Variants in CFAP57 observed in about 807,000 individuals in gnomAD.
CFAP57 encodes the protein cilia and flagella associated protein 57.
CFAP57 carries 116 observed loss-of-function variants against 146.8 expected under a neutral mutation model. That is an observed-to-expected ratio of 0.79 (90% CI 0.68 to 0.92). The LOEUF (loss-of-function observed/expected upper bound fraction) is 0.92, where lower values mean the gene tolerates loss of function less well. Ranked by LOEUF, CFAP57 falls within the 40% of genes least tolerant of loss-of-function variation. CFAP57 has a pLI of 0.00. For missense variants in CFAP57, 1,377 were observed against 1,527.2 expected, an observed-to-expected ratio of 0.90 and a Z score of 1.64; for synonymous variants, 518 against 552.8, an observed-to-expected ratio of 0.94 and a Z score of 0.88.
intron 21 of CFAP57, among the ~76,000 whole-genome samples, chr1:43,236,407 G>C (rs528779912): frequency 1.3e-4 from 19 of 151,834 alleles, no homozygotes; most frequent in African/African-American, 4.1e-4. Flanking sequence ...TGCCGACCCT[G>C]GTTTACCCTG....
At chr1:43,202,698 G>A (rs1644180405) in intron 9 of CFAP57, among the ~76,000 whole-genome samples, 1 of 151,482 alleles carries the variant, frequency 6.6e-6, no homozygotes, top group Non-Finnish European at 1.5e-5. Flanking sequence ...CAGGAGGATC[G>A]CTTGAACCTC....
chr1:43,200,028 G>C (rs903169185), intron 9 of CFAP57, among the ~76,000 whole-genome samples: 1 of 151,954 alleles, frequency 6.6e-6, no homozygotes, highest in Admixed American at 6.6e-5. Flanking sequence ...AGACTTTCAG[G>C]GCAGAGAATA....
chr1:43,192,205 AT>A (rs1643578135), intron 6 of CFAP57, among the ~76,000 whole-genome samples: 1 of 152,186 alleles, frequency 6.6e-6, no homozygotes, highest in Admixed American at 6.5e-5. Context: ...AAGAATGTAT[AT>A]TCTGTTATTA....
chr1:43,179,657 CT>C (rs1193420402), intron 2 of CFAP57, among the ~76,000 whole-genome samples: 1 of 152,172 alleles, frequency 6.6e-6, no homozygotes, highest in Non-Finnish European at 1.5e-5. Context: ...TTAACTTTCC[CT>C]TATGCTTTTT....
intron 6 of CFAP57, among the ~76,000 whole-genome samples, chr1:43,189,319 A>G (rs141783594): frequency 7.4e-4 from 112 of 152,334 alleles, no homozygotes; most frequent in African/African-American, 2.6e-3. Flanking sequence ...TTGAATTTAT[A>G]GATCAATGTG....
chr1:43,234,236 G>A (rs772994656), intron 19 of CFAP57, 43 bp from the exon 20 acceptor site: 23 of 1,482,256 alleles, frequency 1.6e-5, no homozygotes, highest in South Asian at 6.6e-5. Context: ...CCCCTCCACC[G>A]AGAGCACCCT....
intron 2 of CFAP57, among the ~76,000 whole-genome samples, chr1:43,179,044 C>CA: frequency 6.6e-6 from 1 of 152,018 alleles, no homozygotes; most frequent in Middle Eastern, 3.2e-3. Flanking sequence ...GACAAAAAAC[C>CA]AAACACCGCA....
At chr1:43,206,270 C>T (rs1374397792) in intron 9 of CFAP57, 2 of 169,110 alleles carry the variant, frequency 1.2e-5, no homozygotes, top group South Asian at 2.5e-4. Flanking sequence ...CTTCTAAAGA[C>T]TTTAAATGAT....
chr1:43,246,576 G>C (rs945338758), intron 22 of CFAP57, among the ~76,000 whole-genome samples: 4 of 152,164 alleles, frequency 2.6e-5, no homozygotes, highest in Admixed American at 6.5e-5. Flanking sequence ...AAAACTCTTA[G>C]AAGAAAGCAT....
At position 43,190,868 on chromosome 1, in the gene CFAP57, A is replaced by G. The variant is rs544652910; in HGVS notation, c.1122+4009A>G. 5.9e-5 allele frequency among the ~76,000 whole-genome samples: 9 copies of G among 152,262 alleles called. No individual in the cohort carries two copies. The South Asian group carries it at 1.7e-3, about 28-fold the overall frequency. On this transcript the variant is annotated intron_variant, in intron 6 of 22. Transcript: ENST00000372492. ...AGTATATAATCATTTTCATATTAGT[A>G]TATTCAATTTACTAGTATTTTGTTG...
chr1:43,240,873 C>T (rs1003195399), intron 21 of CFAP57, among the ~76,000 whole-genome samples: 9 of 152,152 alleles, frequency 5.9e-5, no homozygotes, highest in African/African-American at 9.7e-5. Flanking sequence ...CTCGCTCTGT[C>T]GCCCAGGCTG....
chr1:43,178,063 G>T (rs1431357555), intron 2 of CFAP57, among the ~76,000 whole-genome samples: 2 of 152,206 alleles, frequency 1.3e-5, no homozygotes, highest in Non-Finnish European at 2.9e-5. Context: ...AATAAATGGT[G>T]CTGGGAAAAC....
intron 6 of CFAP57, among the ~76,000 whole-genome samples, 158 bp from the exon 7 acceptor site, chr1:43,197,395 T>C (rs913847638): frequency 1.3e-5 from 2 of 152,106 alleles, no homozygotes; most frequent in African/African-American, 2.4e-5. Context: ...AATAATAATA[T>C]TGGCTCAGGA....
At chr1:43,212,037 A>T (rs2124507983) in intron 11 of CFAP57, among the ~76,000 whole-genome samples, 1 of 152,326 alleles carries the variant, frequency 6.6e-6, no homozygotes, top group East Asian at 1.9e-4. Flanking sequence ...TTTTATCTTG[A>T]AATACTTATA....
At chr1:43,174,873 C>T (rs11210802) in intron 2 of CFAP57, among the ~76,000 whole-genome samples, 1 of 152,018 alleles carries the variant, frequency 6.6e-6, no homozygotes, top group Non-Finnish European at 1.5e-5. Flanking sequence ...TTATGGTTTT[C>T]TACAGACAAC....
Position 43,232,579 on chromosome 1 carries a change from G to A in CFAP57, c.3081G>A (p.Gln1027=), listed in dbSNP as rs1645516042. The A allele has an allele frequency of 6.5e-7, 1 of 1,549,216 alleles. No homozygotes were observed. The highest frequency in any genetic ancestry group is 1.4e-5 in the African/African-American group (1 of 73,040). ...QLELNITELW[Q]KLRATDQEMR... ...AGCTGAACATCACAGAATTGTGGCA[G>A]AAACTGAGAGCCACCGATCAGGAGA... The change falls in exon 19 of 23, where the codon CAG becomes CAA. Residue 1027 remains glutamine (Q), a synonymous_variant. Transcript: ENST00000372492.
At chr1:43,198,707 C>T (rs1643976984) in intron 8 of CFAP57, 61 bp downstream of exon 8, 2 of 1,583,136 alleles carry the variant, frequency 1.3e-6, no homozygotes, top group Admixed American at 3.4e-5. Context: ...GCTGAAATAT[C>T]AGGAACTAAC....
At chr1:43,246,587 A>G (rs1353518276) in intron 22 of CFAP57, among the ~76,000 whole-genome samples, 3 of 152,236 alleles carry the variant, frequency 2.0e-5, no homozygotes, top group African/African-American at 7.2e-5. Context: ...AAGAAAGCAT[A>G]GAGGAAAAGC....
At chr1:43,213,571 G>T (rs1170087857) in intron 11 of CFAP57, among the ~76,000 whole-genome samples, 2 of 151,816 alleles carry the variant, frequency 1.3e-5, no homozygotes, top group Non-Finnish European at 2.9e-5. Flanking sequence ...AAAGTATCCA[G>T]TAATGAGATT....
Sources: allele counts gnomAD v4.1 joint callset (sites outside exome capture counted in the v4.1 genomes callset), GRCh38; gene constraint gnomAD v4.1.1; transcripts MANE v1.5; gene names NCBI Gene and HGNC (gene_info 2026-07-23, HGNC 2026-07-21).